VRK2: variants seen among roughly 807,000 people sequenced by gnomAD.
The protein encoded by VRK2 is serine/threonine-protein kinase VRK2.
In VRK2, 60 loss-of-function variants were observed where a neutral mutation model predicts 57.6. The observed-to-expected ratio is 1.04, with a 90% CI of 0.85 to 1.29. The LOEUF (loss-of-function observed/expected upper bound fraction) is 1.29, where lower values mean the gene tolerates loss of function less well. Ranked by LOEUF, VRK2 falls within the 50% of genes most tolerant of loss-of-function variation. VRK2 has a pLI of 0.00. For synonymous variants in VRK2, 231 were observed against 199.2 expected, an observed-to-expected ratio of 1.16 and a Z score of -1.35; for missense variants, 705 against 588.1, an observed-to-expected ratio of 1.20 and a Z score of -2.06.
At chr2:57,947,883 T>C (rs747892620) in intron 1 of VRK2, among the ~76,000 whole-genome samples, 2 of 152,190 alleles carry the variant, frequency 1.3e-5, no homozygotes, top group Non-Finnish European at 2.9e-5. Flanking sequence ...TCTCTCTCTT[T>C]CTCTTCAGCG....
intron 1 of VRK2, among the ~76,000 whole-genome samples, chr2:57,924,464 T>C (rs1449027416): frequency 6.6e-6 from 1 of 152,056 alleles, no homozygotes; most frequent in African/African-American, 2.4e-5. Flanking sequence ...TTCCTAGATA[T>C]TTTATTTGTA....
At chr2:58,074,986 A>G (rs915179160) in intron 2 of VRK2, among the ~76,000 whole-genome samples, 2 of 152,012 alleles carry the variant, frequency 1.3e-5, no homozygotes, top group African/African-American at 4.8e-5. Context: ...GTATACGGAT[A>G]ATTTTGTCAC....
chr2:57,958,441 ATATATT>A (rs1385761137), intron 1 of VRK2, among the ~76,000 whole-genome samples: 9 of 142,180 alleles, frequency 6.3e-5, no homozygotes, highest in African/African-American at 2.4e-4. Context: ...ATACATGTAT[ATATATT>A]TGTATATATA....
At chr2:57,924,282 G>A (rs1670460770) in intron 1 of VRK2, among the ~76,000 whole-genome samples, 1 of 151,974 alleles carries the variant, frequency 6.6e-6, no homozygotes, top group East Asian at 1.9e-4. Context: ...TTTTGATAGG[G>A]ACTGCATTGA....
At chr2:58,077,317 A>C (rs776505351) in intron 2 of VRK2, among the ~76,000 whole-genome samples, 4 of 152,048 alleles carry the variant, frequency 2.6e-5, no homozygotes, top group Admixed American at 2.6e-4. Flanking sequence ...CCTCCACACA[A>C]GTCCTCGGAT....
intron 1 of VRK2, among the ~76,000 whole-genome samples, chr2:57,934,020 ATACTTTTGC>A (rs1558500861): frequency 6.6e-6 from 1 of 152,210 alleles, no homozygotes; most frequent in Non-Finnish European, 1.5e-5. Flanking sequence ...CTAAAACTCC[ATACTTTTGC>A]TACCCCAAAC....
rs577361675 is a variant in VRK2 at position 57,919,879 on chromosome 2, C to G, written c.-439+12040C>G. ...AGATCACATACCTCTTAAAAAGGAG[C>G]CATTATCTCCATGGGTTTCTCAGCT... On this transcript the variant is annotated intron_variant, in intron 1 of 15. Coordinates refer to the VRK2 transcript ENST00000417641. Among the ~76,000 whole-genome samples the G allele has an allele frequency of 2.0e-5, 3 of 151,988 alleles. No homozygotes were observed. In the South Asian group the frequency reaches 6.2e-4, roughly 32 times the overall value.
intron 1 of VRK2, among the ~76,000 whole-genome samples, chr2:57,912,924 T>C (rs771344986): frequency 1.3e-5 from 2 of 152,050 alleles, no homozygotes; most frequent in African/African-American, 4.8e-5. Context: ...AGTGCTCTTA[T>C]TAAAAAGATC....
intron 1 of VRK2, among the ~76,000 whole-genome samples, chr2:57,914,604 C>T (rs2103890373): frequency 6.6e-6 from 1 of 152,136 alleles, no homozygotes; most frequent in South Asian, 2.1e-4. Context: ...ATCCAAATAT[C>T]CGAAAAGGTG....
intron 2 of VRK2, among the ~76,000 whole-genome samples, chr2:58,026,494 G>C (rs1673930918): frequency 6.6e-6 from 1 of 152,038 alleles, no homozygotes; most frequent in African/African-American, 2.4e-5. Context: ...AAATAAGCAG[G>C]TTCCCAAATA....
In VRK2 at chr2:58,154,735, T is replaced by C. The variant is rs751227923; in HGVS notation, c.1183-4614T>C. 38 of 717,568 alleles carry C rather than the reference T, an allele frequency of 5.3e-5. No homozygotes were observed. In the African/African-American group the frequency reaches 6.3e-4, roughly 12 times the overall value. The allele number at this position is 717,568 out of a possible 1,614,324, so 44.5% of individuals were successfully genotyped here. On this transcript the variant is annotated intron_variant, in intron 12 of 12. Coordinates refer to ENST00000340157, the MANE Select transcript of VRK2 (RefSeq NM_006296.7). ...TTCCTTCATCTTGATCTTGGTGTAT[T>C]TTCTTCCCTTTTTTCCAGTTTAGGT...
intron 12 of VRK2, among the ~76,000 whole-genome samples, chr2:58,152,904 A>G (rs1209128038): frequency 6.6e-6 from 1 of 151,970 alleles, no homozygotes; most frequent in Non-Finnish European, 1.5e-5. Context: ...ATACTACCAT[A>G]AAATACAGAC....
intron 7 of VRK2, among the ~76,000 whole-genome samples, chr2:58,093,499 T>G (rs561416329): frequency 6.6e-6 from 1 of 152,178 alleles, no homozygotes; most frequent in African/African-American, 2.4e-5. Flanking sequence ...TTGCCCACTT[T>G]TTGATGGGGT....
intron 1 of VRK2, among the ~76,000 whole-genome samples, chr2:57,908,505 A>C (rs993945331): frequency 2.0e-5 from 3 of 152,082 alleles, no homozygotes; most frequent in Non-Finnish European, 4.4e-5. Flanking sequence ...GCATATATAG[A>C]TGGATGAAAA....
At chr2:58,065,284 C>G (rs866310765) in intron 2 of VRK2, among the ~76,000 whole-genome samples, 14 of 151,840 alleles carry the variant, frequency 9.2e-5, no homozygotes, top group African/African-American at 3.4e-4. Flanking sequence ...ACCATAACCT[C>G]CTTTTACCCC....
At chr2:58,088,814 A>AG (rs1208986979) in intron 6 of VRK2, among the ~76,000 whole-genome samples, 3 of 152,222 alleles carry the variant, frequency 2.0e-5, no homozygotes, top group Admixed American at 6.5e-5. Context: ...ATGTGATGGT[A>AG]GGGGGGTGCT....
rs565615902 is a variant in VRK2 at position 57,930,520 on chromosome 2, C to A, written c.-439+22681C>A. On this transcript the variant is annotated intron_variant, in intron 1 of 15. Transcript: ENST00000417641. ...TTCTTTCTGTGATACAAAGTTAAAA[C>A]CTGGTACTTTGATTGCTTGCTTGGT... Among the ~76,000 whole-genome samples, 39 of 152,262 alleles carry A rather than the reference C, an allele frequency of 2.6e-4. 1 individual carries two copies. The East Asian group carries it at 7.5e-3, about 29-fold the overall frequency.
chr2:58,150,151 A>C (rs1396672661), intron 12 of VRK2, among the ~76,000 whole-genome samples: 1 of 151,296 alleles, frequency 6.6e-6, no homozygotes, highest in Non-Finnish European at 1.5e-5. Context: ...TACCAGTTGG[A>C]AGTGTTGCAC....
chr2:58,052,401 T>C (rs1174578873), intron 2 of VRK2, among the ~76,000 whole-genome samples: 2 of 151,962 alleles, frequency 1.3e-5, no homozygotes, highest in Admixed American at 6.6e-5. Flanking sequence ...TTGCCTGAGC[T>C]CCATCCAGCC....
Sources: allele counts gnomAD v4.1 joint callset (sites outside exome capture counted in the v4.1 genomes callset), GRCh38; gene constraint gnomAD v4.1.1; transcripts MANE v1.5; gene names NCBI Gene and HGNC (gene_info 2026-07-23, HGNC 2026-07-21).